VAV3: variants seen among roughly 807,000 people sequenced by gnomAD.
The protein encoded by VAV3 is guanine nucleotide exchange factor VAV3.
VAV3 carries 94 observed loss-of-function variants against 131.2 expected under a neutral mutation model. That is an observed-to-expected ratio of 0.72 (90% CI 0.61 to 0.85). The LOEUF is 0.85. VAV3 is among the 40% of genes least tolerant of loss of function. The pLI is 0.00. For missense variants in VAV3, 939 were observed against 1,002.7 expected (o/e 0.94, Z 0.86); for synonymous variants, 349 against 342.0 (o/e 1.02, Z -0.22).
At chr1:107,875,085 C>T in intron 1 of VAV3, 68 bp from the exon 2 acceptor site, 10 of 1,254,828 alleles carry the variant, frequency 8.0e-6, no homozygotes, top group Non-Finnish European at 1.1e-5. Context: ...CTCTGTAACA[C>T]TCAAGACTGC....
intron 1 of VAV3, among the ~76,000 whole-genome samples, chr1:107,909,927 T>C (rs1302063110): frequency 1.3e-5 from 2 of 152,212 alleles, no homozygotes; most frequent in African/African-American, 4.8e-5. Flanking sequence ...TTACAGGTTA[T>C]TTGAACAATG....
At chr1:107,663,440 C>A (rs1657183229) in intron 19 of VAV3, among the ~76,000 whole-genome samples, 1 of 152,002 alleles carries the variant, frequency 6.6e-6, no homozygotes, top group Non-Finnish European at 1.5e-5. Flanking sequence ...TCTGTAACCC[C>A]CATAAACTTT....
intron 19 of VAV3, among the ~76,000 whole-genome samples, chr1:107,682,419 A>G (rs1045944103): frequency 2.0e-5 from 3 of 152,228 alleles, no homozygotes; most frequent in Non-Finnish European, 2.9e-5. Flanking sequence ...TCACTTCTAA[A>G]TATTATTGCA....
At chr1:107,574,335 GC>G in intron 25 of VAV3, 137 bp from the exon 26 acceptor site, 1 of 1,063,710 alleles carries the variant, frequency 9.4e-7, no homozygotes, top group Non-Finnish European at 1.3e-6. Context: ...TGGCAGAGGA[GC>G]TTGAAAGCAG....
intron 20 of VAV3, among the ~76,000 whole-genome samples, chr1:107,640,386 T>C (rs1006448724): frequency 6.6e-6 from 1 of 152,144 alleles, no homozygotes; most frequent in Non-Finnish European, 1.5e-5. Flanking sequence ...TGCTATGTGA[T>C]GCACATCAAA....
chr1:107,719,183 T>C (rs954335915), intron 15 of VAV3, among the ~76,000 whole-genome samples: 1 of 152,084 alleles, frequency 6.6e-6, no homozygotes, highest in East Asian at 1.9e-4. Flanking sequence ...AAAGCAATGG[T>C]AACAGAAGCC....
intron 7 of VAV3, 84 bp from the exon 8 acceptor site, chr1:107,766,634 G>C (rs1411191376): frequency 1.1e-5 from 11 of 970,246 alleles, no homozygotes; most frequent in Admixed American, 6.5e-5. Flanking sequence ...TTAGTTGCTA[G>C]ACTTGCCACT....
chr1:107,770,503 T>G (rs1343763855), intron 6 of VAV3, 133 bp downstream of exon 6: 2 of 663,420 alleles, frequency 3.0e-6, no homozygotes, highest in Non-Finnish European at 5.3e-6. Context: ...ATAAATCTGC[T>G]TTGAGATCTT....
intron 12 of VAV3, among the ~76,000 whole-genome samples, chr1:107,753,527 C>CACACATATATACAT: frequency 1.1e-5 from 1 of 94,760 alleles, no homozygotes; most frequent in Admixed American, 1.1e-4. Context: ...TATATATATA[C>CACACATATATACAT]GTATATATAT....
chr1:107,798,388 G>A (rs1666653848), intron 2 of VAV3, among the ~76,000 whole-genome samples: 1 of 149,328 alleles, frequency 6.7e-6, no homozygotes, highest in African/African-American at 2.5e-5. Context: ...CAGGCAGGTG[G>A]CTGTTTGTGC....
Position 107,667,353 on chromosome 1 carries a change from T to A in VAV3, c.1777+16135A>T, listed in dbSNP as rs186827468. 1.4e-3 allele frequency among the ~76,000 whole-genome samples: 216 copies of A among 152,300 alleles called. 4 individuals carry two copies. In the East Asian group the frequency reaches 0.033, roughly 23 times the overall value. ...TAAGTAGTGAGAAAAAGCACTGAGC[T>A]GTGCAATGCTAACTACAAAACTAAT... is the stretch of plus-strand genomic sequence containing the variant. On this transcript the variant is annotated intron_variant, in intron 19 of 26. Coordinates refer to ENST00000370056, the MANE Select transcript of VAV3 (RefSeq NM_006113.5).
At chr1:107,887,643 C>A (rs182108625) in intron 1 of VAV3, among the ~76,000 whole-genome samples, 24 of 152,186 alleles carry the variant, frequency 1.6e-4, no homozygotes, top group Non-Finnish European at 3.2e-4. Context: ...ACAATGCATG[C>A]GTCTTAATTT....
intron 10 of VAV3, among the ~76,000 whole-genome samples, chr1:107,759,657 TA>T (rs1391526941): frequency 6.6e-6 from 1 of 152,126 alleles, no homozygotes; most frequent in African/African-American, 2.4e-5. Context: ...ATTTTAAATA[TA>T]AAACAACCCA....
intron 25 of VAV3, among the ~76,000 whole-genome samples, chr1:107,575,618 T>G (rs1255306063): frequency 6.6e-6 from 1 of 152,206 alleles, no homozygotes; most frequent in Non-Finnish European, 1.5e-5. Flanking sequence ...TTAGAGTCGG[T>G]GCACATAAAA....
At chr1:107,596,174 A>G in intron 25 of VAV3, 38 bp downstream of exon 25, 1 of 1,593,436 alleles carries the variant, frequency 6.3e-7, no homozygotes, top group Non-Finnish European at 8.5e-7. Flanking sequence ...CCTAATTTTT[A>G]AGTGACAGCA....
intron 15 of VAV3, among the ~76,000 whole-genome samples, chr1:107,736,273 A>G (rs1185420276): frequency 1.3e-5 from 2 of 152,168 alleles, no homozygotes; most frequent in Non-Finnish European, 2.9e-5. Flanking sequence ...AAAAAACTGG[A>G]AGCATTCCCT....
At chr1:107,746,241 G>C (rs1663335546) in intron 15 of VAV3, among the ~76,000 whole-genome samples, 1 of 152,074 alleles carries the variant, frequency 6.6e-6, no homozygotes, top group African/African-American at 2.4e-5. Context: ...TAAAACAATG[G>C]AATATTCTGA....
chr1:107,809,972 A>G (rs571058257), intron 2 of VAV3, among the ~76,000 whole-genome samples: 4 of 152,356 alleles, frequency 2.6e-5, no homozygotes, highest in African/African-American at 9.6e-5. Flanking sequence ...AGAAAATGAT[A>G]CATTGTAAAA....
intron 1 of VAV3, among the ~76,000 whole-genome samples, chr1:107,946,593 T>A (rs1020717249): frequency 6.6e-6 from 1 of 152,046 alleles, no homozygotes; most frequent in Non-Finnish European, 1.5e-5. Flanking sequence ...AGGGGGAAAA[T>A]AATCTGCACA....
Sources: allele counts gnomAD v4.1 joint callset (sites outside exome capture counted in the v4.1 genomes callset), GRCh38; gene constraint gnomAD v4.1.1; transcripts MANE v1.5; gene names NCBI Gene and HGNC (gene_info 2026-07-23, HGNC 2026-07-21).